PCDH1: variants seen among roughly 807,000 people sequenced by gnomAD.
PCDH1 encodes the protein protocadherin-1.
PCDH1 carries 23 observed loss-of-function variants against 74.6 expected under a neutral mutation model. The observed-to-expected ratio is 0.31, with a 90% CI of 0.22 to 0.44. PCDH1 has a LOEUF of 0.44. Among genes scored for constraint, PCDH1 ranks in the 20% least tolerant of loss-of-function variants. PCDH1 has a pLI of 1.00. For missense variants in PCDH1, 1,214 were observed against 1,641.4 expected (o/e 0.74, Z 4.50); for synonymous variants, 647 against 686.1 (o/e 0.94, Z 0.89).
Position 141,878,212 on chromosome 5 carries a change from C to G in PCDH1, c.40+11G>C, listed in dbSNP as rs1360718107. 4.9e-6 allele frequency: 7 copies of G among 1,426,316 alleles called. 1 individual carries two copies. Among genetic ancestry groups the G allele is most frequent in the Non-Finnish European group, 6.4e-6 (7 of 1,091,974 alleles). The allele number at this position is 1,426,316 out of a possible 1,614,324, so 88.4% of individuals were successfully genotyped here. The stretch of plus-strand genomic sequence containing the variant: ...AAGCCGCTGCTGCCTCCACCGCCGC[C>G]GGATCCTTACCCGCCTCCGGGCAGC... On this transcript the variant is annotated intron_variant, in intron 1 of 4. Transcript: ENST00000287008. The surrounding 1 kb of genome is among the most constrained non-coding windows in gnomAD (Gnocchi z 5.5).
intron 2 of PCDH1, chr5:141,867,334 A>C: frequency 3.8e-6 from 1 of 265,302 alleles, no homozygotes; most frequent in South Asian, 3.7e-5. Context: ...TAAAGCTCTT[A>C]CACACCTAGG....
At chr5:141,860,405 A>T (rs2126809094) in intron 3 of PCDH1, among the ~76,000 whole-genome samples, 1 of 151,612 alleles carries the variant, frequency 6.6e-6, no homozygotes, top group South Asian at 2.1e-4. Flanking sequence ...CCAGCTACAC[A>T]GGAGGATCGC....
At position 141,869,091 on chromosome 5, in the gene PCDH1, G is replaced by T. The variant is rs1189658393; in HGVS notation, c.381C>A (p.Leu127=). 4 of 1,613,802 alleles carry T rather than the reference G, an allele frequency of 2.5e-6. No homozygotes were observed. Among genetic ancestry groups the T allele is most frequent in the Non-Finnish European group, 3.4e-6 (4 of 1,180,004 alleles). The change falls in exon 2 of 5, where the codon CTC becomes CTA. Residue 127 remains leucine, a synonymous_variant. Transcript: ENST00000287008. This position sits in a 1 kb window ranked among gnomAD's most constrained non-coding sequence, Gnocchi z 4.9. ...ACTCCAGGATGCAGGGATCACCAGG[G>T]AGCTGGTTCTGGCATTCACGGAGCC... The part of the protein sequence containing the change: ...REGLRECQNQ[L]PGDPCILEFE...
rs911423286 is a variant in PCDH1, at chr5:141,853,101, T to G, written c.*941A>C. On this transcript the variant is annotated 3_prime_UTR_variant, in exon 5 of 5. Coordinates refer to ENST00000287008, the MANE Select transcript of PCDH1 (RefSeq NM_032420.5). ...GCACAGCGCAACAGTTCCAAAAAAA[T>G]AGAGATTTGTATTTTTAAGAAAAAT... 6.6e-6 allele frequency: 1 copy of G among 151,986 alleles called. No homozygotes were observed. Among genetic ancestry groups the G allele is most frequent in the African/African-American group, 2.4e-5 (1 of 41,358 alleles). The allele number at this position is 151,986 out of a possible 1,614,324, so 9.4% of individuals were successfully genotyped here.
At chr5:141,866,847 G>T (rs542837039) in intron 2 of PCDH1, among the ~76,000 whole-genome samples, 2 of 152,074 alleles carry the variant, frequency 1.3e-5, no homozygotes, top group Admixed American at 1.3e-4. Flanking sequence ...CCTCCTACCC[G>T]CCTGCCTCTG....
Position 141,853,882 on chromosome 5 carries a change from A to G in PCDH1, c.*160T>C, listed in dbSNP as rs1752213346. 5.4e-6 allele frequency: 3 copies of G among 558,378 alleles called. No homozygotes were observed. Among genetic ancestry groups the G allele is most frequent in the Non-Finnish European group, 8.8e-6 (3 of 339,672 alleles). The allele number at this position is 558,378 out of a possible 1,614,324, so 34.6% of individuals were successfully genotyped here. On this transcript the variant is annotated 3_prime_UTR_variant, in exon 5 of 5. Transcript: ENST00000287008. ...TGAGGGGAGAGGACCTGGACCCTGC[A>G]TGGGAGAAGGGCCAGCGTGGTCATG...
At chr5:141,870,484 C>A (rs758384493) in intron 1 of PCDH1, among the ~76,000 whole-genome samples, 47 of 152,192 alleles carry the variant, frequency 3.1e-4, no homozygotes, top group Non-Finnish European at 5.7e-4. Flanking sequence ...GCAGGTCTAA[C>A]TGGGACAGAG....
At chr5:141,856,182 A>T (rs1339862766) in intron 4 of PCDH1, 7 of 1,527,372 alleles carry the variant, frequency 4.6e-6, no homozygotes, top group Non-Finnish European at 6.1e-6. Context: ...GGTGCTGGGC[A>T]GAGTCCCACA....
chr5:141,861,380 GAA>G (rs1311097065), intron 3 of PCDH1, among the ~76,000 whole-genome samples: 3 of 152,188 alleles, frequency 2.0e-5, no homozygotes, highest in Non-Finnish European at 4.4e-5. Flanking sequence ...AATGTTGGGA[GAA>G]GACATTCAGT....
At chr5:141,860,674 G>A (rs1360402882) in intron 3 of PCDH1, among the ~76,000 whole-genome samples, 1 of 152,134 alleles carries the variant, frequency 6.6e-6, no homozygotes, top group Non-Finnish European at 1.5e-5. Flanking sequence ...CCTGCTTTGT[G>A]TTTGAATTTG....
chr5:141,853,575 G>A lies in PCDH1; in HGVS notation c.*467C>T, dbSNP rs1752204367. On this transcript the variant is annotated 3_prime_UTR_variant, in exon 5 of 5. Transcript: ENST00000287008. ...AAAGCCCTTCAGGGAGCCACTGGTG[G>A]TCAAGAGTTTCCTCTGGGAGCTCCC... 1 of 152,778 alleles carries A rather than the reference G, an allele frequency of 6.5e-6. No individual in the cohort carries two copies. The highest frequency in any genetic ancestry group is 2.4e-5 in the African/African-American group (1 of 41,454). 9.5% of individuals were successfully genotyped at this position (152,778 alleles called of 1,614,324 possible).
chr5:141,871,765 GTGGGCACTT>G (rs1753101033), intron 1 of PCDH1, among the ~76,000 whole-genome samples: 2 of 152,220 alleles, frequency 1.3e-5, no homozygotes, highest in South Asian at 4.1e-4. Flanking sequence ...CTGGCACACA[GTGGGCACTT>G]GGCAGCTCTT....
At position 141,863,022 on chromosome 5, in the gene PCDH1, C is replaced by T. The variant is rs1373824580; in HGVS notation, c.3099+210G>A. On this transcript the variant is annotated intron_variant, in intron 3 of 4. Coordinates refer to ENST00000287008, the MANE Select transcript of PCDH1 (RefSeq NM_032420.5). This position sits in a 1 kb window ranked among gnomAD's most constrained non-coding sequence, Gnocchi z 7.5. ...TGGGGAGAGGGCAGGGAGGAGACCA[C>T]AGAGCACACCCTCCCTTAATCTTCA... The T allele has an allele frequency of 7.7e-7, 1 of 1,293,664 alleles. No individual in the cohort carries two copies. Among genetic ancestry groups the T allele is most frequent in the African/African-American group, 1.5e-5 (1 of 66,950 alleles). 80.1% of individuals were successfully genotyped at this position (1,293,664 alleles called of 1,614,324 possible).
In PCDH1 at chr5:141,863,813, C is replaced by T; in HGVS notation, c.2518G>A (p.Gly840Arg). ...TTGGAGCGCTCATATTCTGGATCCC[C>T]AGCAATGTCAATATCCAGCGGCGTG... ...LDTPLDIDIA[G>R]DPEYERSKQR... The change falls in exon 3 of 5, where the codon GGG becomes AGG. Residue 840 changes from glycine to arginine, a missense_variant. Gly to Arg is a moderately radical substitution (Grantham distance 125). Around this residue, in one of 4 missense-constraint regions of PCDH1, gnomAD observed 836 missense variants for 1,182.2 expected, o/e 0.71. Transcript: ENST00000287008. The surrounding 1 kb of genome is among the most constrained non-coding windows in gnomAD (Gnocchi z 7.5). 1 of 1,614,172 alleles carries T rather than the reference C, an allele frequency of 6.2e-7. No individual in the cohort carries two copies. The highest frequency in any genetic ancestry group is 8.5e-7 in the Non-Finnish European group (1 of 1,180,044).
Position 141,854,003 on chromosome 5 carries a change from G to C in PCDH1, c.*39C>G. On this transcript the variant is annotated 3_prime_UTR_variant, in exon 5 of 5. Coordinates refer to ENST00000287008, the MANE Select transcript of PCDH1 (RefSeq NM_032420.5). ...GGAATGGGCCATTTGGGAGCTGGCC[G>C]GCGGCTGGGGGAGGGGGGCCGGCCG... 6.8e-7 allele frequency: 1 copy of C among 1,463,646 alleles called. No individual in the cohort carries two copies. Among genetic ancestry groups the C allele is most frequent in the South Asian group, 1.5e-5 (1 of 68,876 alleles). The allele number at this position is 1,463,646 out of a possible 1,614,324, so 90.7% of individuals were successfully genotyped here. A position where few individuals can be genotyped will look rare whatever the true frequency, so the allele number is the denominator to read the frequency against.
intron 1 of PCDH1, among the ~76,000 whole-genome samples, chr5:141,873,064 C>T (rs1024713822): frequency 3.3e-5 from 5 of 152,010 alleles, no homozygotes; most frequent in Admixed American, 1.3e-4. Context: ...ATGCAATGGT[C>T]GGACCATCTG....
intron 1 of PCDH1, among the ~76,000 whole-genome samples, chr5:141,875,727 T>G (rs1753210144): frequency 6.6e-6 from 1 of 152,166 alleles, no homozygotes; most frequent in Admixed American, 6.5e-5. Context: ...CGGCCAGAAC[T>G]GAATCCAGAC....
chr5:141,868,866 C>G lies in PCDH1; in HGVS notation c.606G>C (p.Val202=). Residue 202 remains valine, a synonymous_variant, in exon 2 of 5, where the codon GTG becomes GTC. Coordinates refer to ENST00000287008, the MANE Select transcript of PCDH1 (RefSeq NM_032420.5). The surrounding 1 kb of genome is among the most constrained non-coding windows in gnomAD (Gnocchi z 4.8). ...GCCCAGCCTGCAGCTCATAGGATGC[C>G]ACACCGTTGGGACCAGCATCACGGT... ...ASDRDAGPNG[V]ASYELQAGPE... is the part of the protein sequence containing the mutation. 1 of 1,614,196 alleles carries G rather than the reference C, an allele frequency of 6.2e-7. No homozygotes were observed.
chr5:141,869,466 C>G lies in PCDH1; in HGVS notation c.41-35G>C. On this transcript the variant is annotated intron_variant, in intron 1 of 4. Coordinates refer to ENST00000287008, the MANE Select transcript of PCDH1 (RefSeq NM_032420.5). This position sits in a 1 kb window ranked among gnomAD's most constrained non-coding sequence, Gnocchi z 4.9. The stretch of plus-strand genomic sequence containing the variant: ...GAAGAGGCAAAACAGAGGCCATGAG[C>G]TGGGAAGAAAAGCCTGGCCCTGAGC... The G allele has an allele frequency of 1.3e-6, 2 of 1,591,110 alleles. No homozygotes were observed. Among genetic ancestry groups the G allele is most frequent in the South Asian group, 2.3e-5 (2 of 88,776 alleles).
Sources: allele counts gnomAD v4.1 joint callset (sites outside exome capture counted in the v4.1 genomes callset), GRCh38; gene constraint gnomAD v4.1.1; regional missense constraint gnomAD v4.1.1; non-coding constraint Gnocchi (gnomAD v3.1); transcripts MANE v1.5; gene names NCBI Gene and HGNC (gene_info 2026-07-23, HGNC 2026-07-21).